SYNC: variants seen among roughly 807,000 people sequenced by gnomAD.
SYNC encodes the protein syncoilin.
Under a neutral mutation model 49.5 loss-of-function variants are expected in SYNC, and 38 were observed. The observed-to-expected ratio is 0.77, with a 90% CI of 0.59 to 1.01. SYNC has a LOEUF of 1.01. SYNC is among the 50% of genes least tolerant of loss of function. The pLI, the probability that SYNC is intolerant of heterozygous loss-of-function variation, is 0.00. For synonymous variants in SYNC, 201 were observed against 230.8 expected, an observed-to-expected ratio of 0.87 and a Z score of 1.17; for missense variants, 579 against 580.6, an observed-to-expected ratio of 1.00 and a Z score of 0.03.
At chr1:32,692,571 A>C (rs1650216280) in intron 2 of SYNC, among the ~76,000 whole-genome samples, 1 of 152,054 alleles carries the variant, frequency 6.6e-6, no homozygotes, top group Non-Finnish European at 1.5e-5. Flanking sequence ...ACATGGTGAA[A>C]CCCCATCTCT....
At chr1:32,701,233 A>G (rs1469784062) in intron 1 of SYNC, among the ~76,000 whole-genome samples, 2 of 152,034 alleles carry the variant, frequency 1.3e-5, no homozygotes, top group African/African-American at 4.8e-5. Flanking sequence ...ACTTCTATCT[A>G]TCTAACAAAT....
chr1:32,684,696 G>C, intron 2 of SYNC: 1 of 262,004 alleles, frequency 3.8e-6, no homozygotes. Context: ...TTTTGGTCTA[G>C]TTAGTGGGCT....
intron 2 of SYNC, among the ~76,000 whole-genome samples, chr1:32,686,873 CTT>C (rs2148548701): frequency 6.6e-6 from 1 of 152,318 alleles, no homozygotes; most frequent in African/African-American, 2.4e-5. Context: ...AGGTAACAGG[CTT>C]TTTAGTGGTT....
At chr1:32,697,920 G>A (rs1650503633) in intron 1 of SYNC, among the ~76,000 whole-genome samples, 1 of 151,746 alleles carries the variant, frequency 6.6e-6, no homozygotes, top group Non-Finnish European at 1.5e-5. Flanking sequence ...ATTGGGATGG[G>A]TATCAAAAAC....
intron 2 of SYNC, chr1:32,684,945 TAAC>T (rs890547852): frequency 2.6e-5 from 4 of 152,662 alleles, no homozygotes; most frequent in African/African-American, 9.6e-5. Context: ...ACCTGGTACT[TAAC>T]ATCATATGGA....
chr1:32,684,301 C>T lies in SYNC; in HGVS notation c.1315G>A (p.Glu439Lys), dbSNP rs1054988433. 2 of 1,614,188 alleles carry T rather than the reference C, an allele frequency of 1.2e-6. No individual in the cohort carries two copies. The highest frequency in any genetic ancestry group is 1.7e-6 in the Non-Finnish European group (2 of 1,180,036). ...TCAGCAAGACTGAGCCTTAGCTGTTCCATCTCTTTGTTCTTCTGTTGCTGG... is the reference window on the plus strand; with the variant it reads ...TCAGCAAGACTGAGCCTTAGCTGTTTCATCTCTTTGTTCTTCTGTTGCTGG... ...QLQQQKNKEM[E>K]QLRLSLAEEL... Residue 439 changes from glutamate (E) to lysine (K), a missense_variant, in exon 3 of 5, where the codon GAA becomes AAA. Glu to Lys is a moderately conservative substitution (Grantham distance 56). Coordinates refer to ENST00000409190, the MANE Select transcript of SYNC (RefSeq NM_030786.3).
chr1:32,695,185 G>C lies in SYNC; in HGVS notation c.913C>G (p.Gln305Glu). ...YQKQKEQLRQQLEAPPSQRDG... is the reference protein window; with the variant it reads ...YQKQKEQLRQELEAPPSQRDG... ...CTCTGGCTTGGAGGGGCTTCTAGTT[G>C]TTGCCGCAGCTGCTCCTTCTGCTTC... Residue 305 changes from glutamine to glutamate, a missense_variant, in exon 2 of 5, where the codon CAA (glutamine) becomes GAA (glutamate). Transcript: ENST00000409190. 1 of 1,568,484 alleles carries C rather than the reference G, an allele frequency of 6.4e-7. No individual in the cohort carries two copies. The highest frequency in any genetic ancestry group is 8.6e-7 in the Non-Finnish European group (1 of 1,156,422).
chr1:32,686,849 A>G (rs1463080743), intron 2 of SYNC, among the ~76,000 whole-genome samples: 10 of 152,234 alleles, frequency 6.6e-5, no homozygotes, highest in Admixed American at 6.5e-4. Flanking sequence ...CCATTGGCTT[A>G]GAGCTCATAC....
Position 32,680,150 on chromosome 1 carries a change from C to A in SYNC, c.*1700G>T. On this transcript the variant is annotated 3_prime_UTR_variant, in exon 5 of 5. Transcript: ENST00000409190. ...GGGGGAGATTCAAGTCATATAGATT[C>A]CTACTCGAAAATCTTGACACCTGAC... 1 of 1,076,524 alleles carries A rather than the reference C, an allele frequency of 9.3e-7. No individual in the cohort carries two copies. The highest frequency in any genetic ancestry group is 1.1e-6 in the Non-Finnish European group (1 of 891,242). 66.7% of individuals were successfully genotyped at this position (1,076,524 alleles called of 1,614,324 possible).
rs1650340538 is a variant in SYNC, at chr1:32,695,040, C to T, written c.1058G>A (p.Arg353Lys). ...CAGAGCTTTGGTCCCAGCTTCTTTCCTCTCTAGGAGCCGCAGGAACTGAGG... is the reference window on the plus strand; with the variant it reads ...CAGAGCTTTGGTCCCAGCTTCTTTCTTCTCTAGGAGCCGCAGGAACTGAGG... ...YEPQFLRLLE[R>K]KEAGTKALQR... The change falls in exon 2 of 5, where the codon AGG becomes AAG. Residue 353 changes from arginine (R) to lysine (K), a missense_variant. Transcript: ENST00000409190. 1 of 1,613,840 alleles carries T rather than the reference C, an allele frequency of 6.2e-7. No homozygotes were observed.
intron 3 of SYNC, 47 bp from the exon 4 acceptor site, chr1:32,684,136 AT>A: frequency 6.2e-7 from 1 of 1,607,706 alleles, no homozygotes; most frequent in Non-Finnish European, 8.5e-7. Flanking sequence ...GATAAGCACA[AT>A]TTGAAAATCA....
Position 32,681,669 on chromosome 1 carries a change from C to T in SYNC, c.*181G>A. On this transcript the variant is annotated 3_prime_UTR_variant, in exon 5 of 5. Coordinates refer to ENST00000409190, the MANE Select transcript of SYNC (RefSeq NM_030786.3). The stretch of plus-strand genomic sequence containing the variant: ...AGCAAAGAGTTGACATGTTCTGCCT[C>T]CGGCCAACTCTAGAATCTTTTTAAG... 1 of 857,592 alleles carries T rather than the reference C, an allele frequency of 1.2e-6. No individual in the cohort carries two copies. Among genetic ancestry groups the T allele is most frequent in the Non-Finnish European group, 1.9e-6 (1 of 537,014 alleles). 53.1% of individuals were successfully genotyped at this position (857,592 alleles called of 1,614,324 possible).
intron 2 of SYNC, among the ~76,000 whole-genome samples, chr1:32,688,835 C>T (rs1650020175): frequency 6.6e-6 from 1 of 152,052 alleles, no homozygotes; most frequent in African/African-American, 2.4e-5. Context: ...CTCGCCTCTG[C>T]CTCCCAAAGT....
At chr1:32,691,508 G>A (rs372278301) in intron 2 of SYNC, among the ~76,000 whole-genome samples, 82 of 148,012 alleles carry the variant, frequency 5.5e-4, no homozygotes, top group African/African-American at 1.9e-3. Flanking sequence ...AGGCGAGATC[G>A]TGCCACTGCA....
At chr1:32,699,153 C>CTTTTTTTTTTTT (rs61577689) in intron 1 of SYNC, among the ~76,000 whole-genome samples, 11 of 104,032 alleles carry the variant, frequency 1.1e-4, no homozygotes, top group African/African-American at 1.8e-4. Flanking sequence ...CTTTTCTTTT[C>CTTTTTTTTTTTT]TTTTTTTTTT....
chr1:32,692,765 G>C (rs1244284543), intron 2 of SYNC, among the ~76,000 whole-genome samples: 1 of 151,642 alleles, frequency 6.6e-6, no homozygotes, highest in Non-Finnish European at 1.5e-5. Context: ...AAATAACTGG[G>C]AGGCTGAGGC....
chr1:32,683,949 A>G (rs1377504359), intron 4 of SYNC, 61 bp downstream of exon 4: 3 of 1,539,818 alleles, frequency 1.9e-6, no homozygotes, highest in African/African-American at 1.4e-5. Flanking sequence ...TAAGGCATTA[A>G]TTAGTATTGT....
rs71006359 is a variant in SYNC at position 32,687,855 on chromosome 1, A to ATTATTATTATTATTATTATTATTTT, written c.1234-3474_1234-3473insAAAATAATAATAATAATAATAATAA. ...GTGAATTATTATTATTATTATTATT[A>ATTATTATTATTATTATTATTATTTT]TTATTATTTTTTGAGATGGAGTCTT... On this transcript the variant is annotated intron_variant, in intron 2 of 4. Coordinates refer to ENST00000409190, the MANE Select transcript of SYNC (RefSeq NM_030786.3). Among the ~76,000 whole-genome samples, 479 of 135,490 alleles carry ATTATTATTATTATTATTATTATTTT rather than the reference A, an allele frequency of 3.5e-3. 9 individuals are homozygous for ATTATTATTATTATTATTATTATTTT. The highest frequency in any genetic ancestry group is 0.012 in the African/African-American group (441 of 36,448). The allele number at this position is 135,490 out of a possible 152,430, so 88.9% of individuals were successfully genotyped here.
chr1:32,686,878 T>C (rs965083006), intron 2 of SYNC, among the ~76,000 whole-genome samples: 4 of 152,218 alleles, frequency 2.6e-5, no homozygotes, highest in African/African-American at 9.6e-5. Context: ...ACAGGCTTTT[T>C]AGTGGTTCTC....
Sources: gnomAD v4.1 joint callset for allele counts (sites outside exome capture counted in the v4.1 genomes callset) on GRCh38, gnomAD v4.1.1 for gene constraint, MANE v1.5 for transcripts, NCBI Gene and HGNC (gene_info 2026-07-23, HGNC 2026-07-21) for gene names.